The following WWOX variants were observed in gnomAD, a reference collection of about 807,000 sequenced individuals.
WWOX encodes the protein WW domain-containing oxidoreductase.
A neutral mutation model predicts 46.2 loss-of-function variants in WWOX; 69 were observed. The observed-to-expected ratio is 1.49, with a 90% confidence interval of 1.23 to 1.82. WWOX has a LOEUF of 1.82. Among genes scored for constraint, WWOX ranks in the 40% most tolerant of loss-of-function variants. The pLI, the probability that WWOX is intolerant of heterozygous loss-of-function variation, is 0.00. For missense variants in WWOX, 919 were observed against 542.6 expected, an observed-to-expected ratio of 1.69 and a Z score of -6.89; for synonymous variants, 359 against 202.6, an observed-to-expected ratio of 1.77 and a Z score of -6.56.
intron 8 of WWOX, among the ~76,000 whole-genome samples, chr16:78,930,320 C>G (rs1401042003): frequency 5.4e-5 from 7 of 129,562 alleles, no homozygotes; most frequent in Admixed American, 5.3e-4. Flanking sequence ...CCTCCACACC[C>G]AGACTGGAGT....
At chr16:78,758,937 CA>C (rs56184923) in intron 8 of WWOX, among the ~76,000 whole-genome samples, 7,229 of 90,036 alleles carry the variant, frequency 0.08, 449 homozygotes, top group African/African-American at 0.22. Context: ...CCACAAAAGA[CA>C]AAAAAAAAAA....
intron 5 of WWOX, among the ~76,000 whole-genome samples, chr16:78,201,566 C>G (rs1423982789): frequency 6.6e-6 from 1 of 152,128 alleles, no homozygotes; most frequent in Non-Finnish European, 1.5e-5. Context: ...AGAGTCCTAC[C>G]TCAGCCATGC....
intron 8 of WWOX, among the ~76,000 whole-genome samples, chr16:79,129,636 A>C (rs558578938): frequency 6.6e-6 from 1 of 152,168 alleles, no homozygotes; most frequent in South Asian, 2.1e-4. Context: ...TCTCAAATGA[A>C]ATTCATTTCA....
rs182282543 is a variant in WWOX, at chr16:78,257,970, A to C, written c.516+93681A>C. On this transcript the variant is annotated intron_variant, in intron 5 of 8. Coordinates refer to ENST00000566780, the MANE Select transcript of WWOX (RefSeq NM_016373.4). The stretch of plus-strand genomic sequence containing the variant: ...AGAGACTATATATATAAAATCTCAC[A>C]AACTTTGTTTCCCAGAAAAACAACT... 7.3e-3 allele frequency among the ~76,000 whole-genome samples: 1,118 copies of C among 152,302 alleles called. 12 individuals are homozygous for C. Among genetic ancestry groups the C allele is most frequent in the Middle Eastern group, 0.01 (3 of 294 alleles).
At chr16:78,520,452 C>T (rs997428926) in intron 8 of WWOX, among the ~76,000 whole-genome samples, 1 of 152,186 alleles carries the variant, frequency 6.6e-6, no homozygotes, top group African/African-American at 2.4e-5. Context: ...CAGTTTTACA[C>T]ACATATTTTG....
intron 5 of WWOX, among the ~76,000 whole-genome samples, chr16:78,261,448 G>T (rs1051910531): frequency 1.5e-5 from 2 of 136,608 alleles, no homozygotes; most frequent in Admixed American, 7.2e-5. Context: ...TTTGTAAAAG[G>T]TATCATAGCT....
At chr16:78,792,158 G>A (rs752524458) in intron 8 of WWOX, among the ~76,000 whole-genome samples, 3 of 152,030 alleles carry the variant, frequency 2.0e-5, no homozygotes, top group Non-Finnish European at 2.9e-5. Flanking sequence ...TCAGTGGCCC[G>A]CAGCAATAAA....
chr16:78,691,745 C>T (rs1405946211), intron 8 of WWOX, among the ~76,000 whole-genome samples: 2 of 152,106 alleles, frequency 1.3e-5, no homozygotes, highest in Non-Finnish European at 1.5e-5. Context: ...TCTCTCTCTA[C>T]CCTTGCAGTA....
chr16:79,125,678 T>C (rs1282808631), intron 8 of WWOX, among the ~76,000 whole-genome samples: 1 of 152,164 alleles, frequency 6.6e-6, no homozygotes, highest in Non-Finnish European at 1.5e-5. Context: ...CCCCAGGCCA[T>C]GGACCAAGTG....
intron 8 of WWOX, among the ~76,000 whole-genome samples, chr16:78,638,083 C>G (rs1025292437): frequency 6.6e-6 from 1 of 152,166 alleles, no homozygotes; most frequent in Non-Finnish European, 1.5e-5. Context: ...TTCCCCAATC[C>G]AAGCTAAGCT....
chr16:78,197,912 C>G (rs1242209739), intron 5 of WWOX, among the ~76,000 whole-genome samples: 1 of 152,136 alleles, frequency 6.6e-6, no homozygotes, highest in Non-Finnish European at 1.5e-5. Flanking sequence ...GTCACATACT[C>G]CTCCTCCTTC....
chr16:79,127,977 G>A (rs938878366), intron 8 of WWOX, among the ~76,000 whole-genome samples: 10 of 152,180 alleles, frequency 6.6e-5, no homozygotes, highest in Non-Finnish European at 1.5e-4. Flanking sequence ...GTCTGATAGA[G>A]GAACAAGAGA....
intron 8 of WWOX, among the ~76,000 whole-genome samples, chr16:78,461,341 G>A (rs2083942646): frequency 6.6e-6 from 1 of 151,976 alleles, no homozygotes; most frequent in Non-Finnish European, 1.5e-5. Context: ...GAACTCATCG[G>A]TAAGGCCAGA....
In WWOX at chr16:78,421,787, C is replaced by T. The variant is rs375138435; in HGVS notation, c.606-3083C>T. On this transcript the variant is annotated intron_variant, in intron 6 of 8. Coordinates refer to ENST00000566780, the MANE Select transcript of WWOX (RefSeq NM_016373.4). ...ACAGTCATGTGCTGACAATTCTAAA[C>T]ATTATCAATGATAAAATACTTCTCC... Among the ~76,000 whole-genome samples, 193 of 152,292 alleles carry T rather than the reference C, an allele frequency of 1.3e-3. 1 individual carries two copies. Among genetic ancestry groups the T allele is most frequent in the African/African-American group, 4.5e-3 (185 of 41,548 alleles).
chr16:79,035,028 T>A (rs963748493), intron 8 of WWOX, among the ~76,000 whole-genome samples: 1 of 152,240 alleles, frequency 6.6e-6, no homozygotes, highest in Admixed American at 6.5e-5. Flanking sequence ...CTGACTCTTT[T>A]AACTTGTCAA....
chr16:78,819,298 G>C (rs1258510086), intron 8 of WWOX, among the ~76,000 whole-genome samples: 1 of 152,098 alleles, frequency 6.6e-6, no homozygotes, highest in Admixed American at 6.6e-5. Flanking sequence ...CCATAGACAG[G>C]GCTTACACAC....
At chr16:79,117,100 G>A (rs1464552927) in intron 8 of WWOX, among the ~76,000 whole-genome samples, 1 of 152,000 alleles carries the variant, frequency 6.6e-6, no homozygotes, top group Non-Finnish European at 1.5e-5. Flanking sequence ...GCACTGGCAT[G>A]ACTGCAGCTC....
At chr16:78,796,298 C>A (rs1162325612) in intron 8 of WWOX, among the ~76,000 whole-genome samples, 1 of 152,200 alleles carries the variant, frequency 6.6e-6, no homozygotes, top group African/African-American at 2.4e-5. Context: ...CTCAGCCATA[C>A]CCTGGAGCCT....
chr16:78,113,900 G>A (rs1388710282), intron 3 of WWOX, among the ~76,000 whole-genome samples: 1 of 151,888 alleles, frequency 6.6e-6, no homozygotes, highest in Non-Finnish European at 1.5e-5. Flanking sequence ...GTACTTATAG[G>A]GAGATGAGTA....
Sources: gnomAD v4.1 joint callset for allele counts (sites outside exome capture counted in the v4.1 genomes callset) on GRCh38, gnomAD v4.1.1 for gene constraint, MANE v1.5 for transcripts, NCBI Gene and HGNC (gene_info 2026-07-23, HGNC 2026-07-21) for gene names.